Variants in DDOST observed in about 807,000 individuals in gnomAD.
DDOST encodes the protein dolichyl-diphosphooligosaccharide--protein glycosyltransferase 48 kDa subunit.
A neutral mutation model predicts 47.6 loss-of-function variants in DDOST; 25 were observed. The observed-to-expected ratio is 0.53, with a 90% CI of 0.38 to 0.73. The LOEUF (loss-of-function observed/expected upper bound fraction) is 0.73, where lower values mean the gene tolerates loss of function less well. Among genes scored for constraint, DDOST ranks in the 30% least tolerant of loss-of-function variants. The pLI is 0.00. For synonymous variants in DDOST, 275 were observed against 236.0 expected (o/e 1.17, Z -1.51); for missense variants, 526 against 573.9 (o/e 0.92, Z 0.85).
At position 20,652,299 on chromosome 1, in the gene DDOST, CA is replaced by C; in HGVS notation, c.*79del. The C allele has an allele frequency of 7.1e-7, 1 of 1,408,880 alleles. No individual in the cohort carries two copies. The highest frequency in any genetic ancestry group is 9.4e-7 in the Non-Finnish European group (1 of 1,065,702). The allele number at this position is 1,408,880 out of a possible 1,614,324, so 87.3% of individuals were successfully genotyped here. A position where few individuals can be genotyped will look rare whatever the true frequency, so the allele number is the denominator to read the frequency against. ...TGTGCCATTTTCCCACGGCTTTAAA[CA>C]AAGCAAAACAAAACCACCAATCCTA... On this transcript the variant is annotated 3_prime_UTR_variant, in exon 11 of 11. Coordinates refer to ENST00000602624, the MANE Select transcript of DDOST (RefSeq NM_005216.5).
intron 8 of DDOST, 106 bp downstream of exon 8, chr1:20,653,521 A>T: frequency 8.3e-7 from 1 of 1,205,234 alleles, no homozygotes; most frequent in Non-Finnish European, 1.1e-6. Context: ...ATTCATCTTT[A>T]TTTATGCCCT....
intron 8 of DDOST, among the ~76,000 whole-genome samples, chr1:20,653,261 C>A (rs1252820765): frequency 6.6e-6 from 1 of 152,256 alleles, no homozygotes; most frequent in African/African-American, 2.4e-5. Flanking sequence ...CCTGCCCCGA[C>A]ATGTGCCAGG....
At position 20,655,762 on chromosome 1, in the gene DDOST, G is replaced by T; in HGVS notation, c.370C>A (p.Leu124Met). The T allele has an allele frequency of 6.2e-7, 1 of 1,614,056 alleles. No individual in the cohort carries two copies. The highest frequency in any genetic ancestry group is 8.5e-7 in the Non-Finnish European group (1 of 1,179,988). The change falls in exon 4 of 11, where the codon CTG (leucine) becomes ATG (methionine). Residue 124 changes from leucine to methionine, a missense_variant. By Grantham distance (15) the Leu-to-Met change is conservative. Coordinates refer to ENST00000602624, the MANE Select transcript of DDOST (RefSeq NM_005216.5). ...SSDIGDPLRELGSECGIEFDE... is the reference protein window; with the variant it reads ...SSDIGDPLREMGSECGIEFDE... Reference sequence around the variant, plus strand: ...AACTCAATCCCGCACTCACTGCCCAGCTCTCGAAGAGGGTCACCTGCACAG... The same window carrying T: ...AACTCAATCCCGCACTCACTGCCCATCTCTCGAAGAGGGTCACCTGCACAG...
chr1:20,657,771 C>T (rs2053391049), intron 2 of DDOST, among the ~76,000 whole-genome samples: 3 of 152,202 alleles, frequency 2.0e-5, no homozygotes. Flanking sequence ...CGCAGAAGCT[C>T]CTATATTCTC....
chr1:20,655,982 C>T, intron 3 of DDOST, 119 bp downstream of exon 3: 1 of 923,452 alleles, frequency 1.1e-6, no homozygotes, highest in Non-Finnish European at 1.7e-6. Context: ...AAACGGTTCC[C>T]TCACTGACTC....
chr1:20,657,992 C>CG (rs5772913), intron 2 of DDOST, among the ~76,000 whole-genome samples: 129,277 of 152,172 alleles, frequency 0.85, 55,106 homozygotes, highest in Middle Eastern at 0.9. Flanking sequence ...GGCAGAGGCC[C>CG]GGGTGCTGTT....
intron 2 of DDOST, 57 bp from the exon 3 acceptor site, chr1:20,656,244 C>T: frequency 2.2e-6 from 3 of 1,380,010 alleles, no homozygotes; most frequent in Non-Finnish European, 3.1e-6. Flanking sequence ...GCTCCTCTGA[C>T]ACTGGCAGGG....
At chr1:20,658,751 T>G (rs2053403113) in intron 2 of DDOST, among the ~76,000 whole-genome samples, 1 of 152,250 alleles carries the variant, frequency 6.6e-6, no homozygotes, top group African/African-American at 2.4e-5. Context: ...TATAGTTACC[T>G]TCTACGTACA....
chr1:20,656,643 T>C (rs994605459), intron 2 of DDOST, among the ~76,000 whole-genome samples: 3 of 152,198 alleles, frequency 2.0e-5, no homozygotes, highest in African/African-American at 7.2e-5. Flanking sequence ...GCATCTCCAG[T>C]GATGCCATCA....
intron 2 of DDOST, among the ~76,000 whole-genome samples, chr1:20,659,694 G>A (rs972994027): frequency 2.0e-5 from 3 of 152,224 alleles, no homozygotes; most frequent in African/African-American, 4.8e-5. Flanking sequence ...CAAGGGAGTT[G>A]GGAGTGACAC....
chr1:20,651,801 T>TTTTTATTTATTTATTTATTTATTTA lies in DDOST; in HGVS notation c.*577_*578insTAAATAAATAAATAAATAAATAAAA, dbSNP rs886045853. Reference sequence around the variant, plus strand: ...GTTTGAGGGCAACATCTCGCTTTATTTTTATTTATTTATTTATTTATTTAT... The same window carrying TTTTTATTTATTTATTTATTTATTTA: ...GTTTGAGGGCAACATCTCGCTTTATTTTTTATTTATTTATTTATTTATTTATTTATTTATTTATTTATTTATTTAT... On this transcript the variant is annotated 3_prime_UTR_variant, in exon 11 of 11. Coordinates refer to ENST00000602624, the MANE Select transcript of DDOST (RefSeq NM_005216.5). 1 of 147,120 alleles carries TTTTTATTTATTTATTTATTTATTTA rather than the reference T, an allele frequency of 6.8e-6. No homozygotes were observed. 9.1% of individuals were successfully genotyped at this position (147,120 alleles called of 1,614,324 possible).
In DDOST at chr1:20,652,960, G is replaced by A. The variant is rs1377352856; in HGVS notation, c.954C>T (p.Ile318=). The change falls in exon 9 of 11, where the codon ATC becomes ATT. Residue 318 remains isoleucine, a synonymous_variant. Transcript: ENST00000602624. ...TGCCATTTGAGAGCTGCTGGATCAC[G>A]ATGCTATACTCCTGAGATAAAAGGC... ...YTVTDLVEYS[I]VIQQLSNGKW... is the part of the protein sequence containing the mutation. 5 of 1,614,080 alleles carry A rather than the reference G, an allele frequency of 3.1e-6. No homozygotes were observed. Among genetic ancestry groups the A allele is most frequent in the East Asian group, 4.5e-5 (2 of 44,892 alleles).
intron 7 of DDOST, 64 bp downstream of exon 7, chr1:20,654,159 G>A: frequency 6.6e-7 from 1 of 1,522,538 alleles, no homozygotes; most frequent in Admixed American, 2.0e-5. Context: ...CCCCTTCTGA[G>A]TCCTCCCCAT....
At chr1:20,655,879 C>T in intron 3 of DDOST, 100 bp from the exon 4 acceptor site, 1 of 1,020,912 alleles carries the variant, frequency 9.8e-7, no homozygotes, top group Non-Finnish European at 1.5e-6. Flanking sequence ...AGCCCCAGTG[C>T]CCTGCAGCTT....
Position 20,661,216 on chromosome 1 carries a change from A to C in DDOST, c.135T>G (p.Leu45=), listed in dbSNP as rs1366110761. Residue 45 remains leucine, a synonymous_variant, in exon 1 of 11, where the codon CTT becomes CTG. Transcript: ENST00000602624. ...TCTCACCCTTCAGGCTCCGGAAGAA[A>C]AGCGAATGAGTCTCCCGCACGTTGA... ...DNLNVRETHS[L]FFRSLKDRGF... 6.2e-7 allele frequency: 1 copy of C among 1,613,934 alleles called. No homozygotes were observed. Among genetic ancestry groups the C allele is most frequent in the Non-Finnish European group, 8.5e-7 (1 of 1,179,984 alleles).
intron 7 of DDOST, 110 bp downstream of exon 7, chr1:20,654,113 C>T: frequency 7.7e-7 from 1 of 1,290,682 alleles, no homozygotes; most frequent in Non-Finnish European, 1.1e-6. Context: ...CTGAAACACT[C>T]AGCCTCTGAC....
rs751872569 is a variant in DDOST at position 20,654,260 on chromosome 1, TGAA to T, written c.754_756del (p.Phe252del). On this transcript the variant is annotated inframe_deletion, in exon 7 of 11. Transcript: ENST00000602624. ...GGCGCCGCCTTCTGCACTGCTGAGT[TGAA>T]GAAGGAGTCGCTGAAGAAGTCGAGG... is the stretch of plus-strand genomic sequence containing the variant. The T allele has an allele frequency of 3.2e-5, 49 of 1,551,372 alleles. No homozygotes were observed. Among genetic ancestry groups the T allele is most frequent in the South Asian group, 1.7e-4 (14 of 84,054 alleles).
chr1:20,661,245 T>G lies in DDOST; in HGVS notation c.106A>C (p.Asn36His). ...SGPRTLVLLDNLNVRETHSLF... is the reference protein window; with the variant it reads ...SGPRTLVLLDHLNVRETHSLF... ...GAATGAGTCTCCCGCACGTTGAGGT[T>G]GTCCAGCAGCACTAAGGTGCGGGGT... is the stretch of plus-strand genomic sequence containing the variant. Residue 36 changes from asparagine to histidine, a missense_variant, in exon 1 of 11, where the codon AAC (asparagine) becomes CAC (histidine). Coordinates refer to ENST00000602624, the MANE Select transcript of DDOST (RefSeq NM_005216.5). 6.2e-7 allele frequency: 1 copy of G among 1,614,064 alleles called. No homozygotes were observed. Among genetic ancestry groups the G allele is most frequent in the African/African-American group, 1.3e-5 (1 of 75,076 alleles).
In DDOST at chr1:20,655,523, G is replaced by A. The variant is rs376070047; in HGVS notation, c.468C>T (p.Ile156=). 1.3e-4 allele frequency: 208 copies of A among 1,613,962 alleles called. 1 individual carries two copies. The highest frequency in any genetic ancestry group is 1.7e-4 in the Non-Finnish European group (196 of 1,179,884). Residue 156 remains isoleucine (I), a synonymous_variant, in exon 5 of 11, where the codon ATC becomes ATT. Coordinates refer to ENST00000602624, the MANE Select transcript of DDOST (RefSeq NM_005216.5). ...TCAGCAGGTTCTCAGTGTCAGCCAC[G>A]ATGAGCGTATGCTGCAAAGAGTAGA... ...DISDLGQHTL[I]VADTENLLKA... is the part of the protein sequence containing the mutation.
Sources: gnomAD v4.1 joint callset for allele counts (sites outside exome capture counted in the v4.1 genomes callset) on GRCh38, gnomAD v4.1.1 for gene constraint, MANE v1.5 for transcripts, NCBI Gene and HGNC (gene_info 2026-07-23, HGNC 2026-07-21) for gene names.